SNX29: variants seen among roughly 807,000 people sequenced by gnomAD.
The protein encoded by SNX29 is sorting nexin-29.
SNX29 carries 78 observed loss-of-function variants against 102.1 expected under a neutral mutation model. The observed-to-expected ratio is 0.76, with a 90% CI of 0.64 to 0.92. SNX29 has a LOEUF of 0.92. Ranked by LOEUF, SNX29 falls within the 40% of genes least tolerant of loss-of-function variation. The pLI is 0.00. For missense variants in SNX29, 1,280 were observed against 1,061.7 expected (o/e 1.21, Z -2.86); for synonymous variants, 580 against 414.5 (o/e 1.40, Z -4.85).
chr16:12,188,169 T>C (rs997334570), intron 13 of SNX29, among the ~76,000 whole-genome samples: 1 of 152,192 alleles, frequency 6.6e-6, no homozygotes, highest in Non-Finnish European at 1.5e-5. Flanking sequence ...GACAATGAAT[T>C]ACTAACCGCT....
chr16:12,091,427 G>A (rs1424208478), intron 11 of SNX29, among the ~76,000 whole-genome samples: 1 of 152,124 alleles, frequency 6.6e-6, no homozygotes, highest in Non-Finnish European at 1.5e-5. Context: ...TTAGGAGGTG[G>A]GCGTTTGGGA....
intron 11 of SNX29, among the ~76,000 whole-genome samples, chr16:12,107,030 C>G (rs2053279936): frequency 6.6e-6 from 1 of 152,172 alleles, no homozygotes. Context: ...GTTGCCCAGG[C>G]TGGTCTTGAA....
chr16:12,025,856 A>G (rs2057176839), intron 3 of SNX29, among the ~76,000 whole-genome samples: 2 of 152,176 alleles, frequency 1.3e-5, no homozygotes, highest in South Asian at 4.1e-4. Context: ...ACTACATTGG[A>G]TCAGCTTGCG....
In SNX29 at chr16:12,142,586, C is replaced by T. The variant is rs1047822566; in HGVS notation, c.1595+12828C>T. Among the ~76,000 whole-genome samples the T allele has an allele frequency of 1.1e-4, 16 of 152,054 alleles. No homozygotes were observed. In the East Asian group the frequency reaches 1.7e-3, roughly 16 times the overall value. ...TTTGTTTGTTTGTTTGTTTTTGAGA[C>T]GGAGTTTTGTTCTTGTTGCCCAGGC... On this transcript the variant is annotated intron_variant, in intron 13 of 20. Transcript: ENST00000566228.
chr16:12,405,992 A>G (rs540025055), intron 18 of SNX29, among the ~76,000 whole-genome samples: 24 of 152,196 alleles, frequency 1.6e-4, no homozygotes, highest in Admixed American at 5.2e-4. Flanking sequence ...AGATCGCACC[A>G]TTGCACTCCA....
chr16:12,384,802 A>C (rs2083288961), intron 16 of SNX29, among the ~76,000 whole-genome samples: 2 of 152,232 alleles, frequency 1.3e-5, no homozygotes, highest in East Asian at 1.9e-4. Flanking sequence ...CATGACCCAC[A>C]GACTTCTGGG....
At chr16:12,318,101 C>T (rs1381851002) in intron 15 of SNX29, among the ~76,000 whole-genome samples, 1 of 152,234 alleles carries the variant, frequency 6.6e-6, no homozygotes, top group Non-Finnish European at 1.5e-5. Context: ...CTGAGACATC[C>T]TTGGCCCATT....
intron 19 of SNX29, among the ~76,000 whole-genome samples, chr16:12,517,232 C>A (rs959716363): frequency 6.6e-6 from 1 of 152,162 alleles, no homozygotes; most frequent in African/African-American, 2.4e-5. Flanking sequence ...CCTGTGGCTT[C>A]TCATCTGAAT....
chr16:12,256,967 T>C (rs1285052892), intron 14 of SNX29, among the ~76,000 whole-genome samples: 1 of 152,220 alleles, frequency 6.6e-6, no homozygotes, highest in African/African-American at 2.4e-5. Flanking sequence ...TGGCAACAAA[T>C]GGCTGATAAC....
intron 18 of SNX29, among the ~76,000 whole-genome samples, chr16:12,408,223 A>T (rs1204308020): frequency 6.6e-6 from 1 of 151,968 alleles, no homozygotes; most frequent in Non-Finnish European, 1.5e-5. Context: ...TCATTCCAAA[A>T]GGCAAGGCCC....
At chr16:12,265,634 G>T (rs2078904669) in intron 14 of SNX29, among the ~76,000 whole-genome samples, 1 of 150,698 alleles carries the variant, frequency 6.6e-6, no homozygotes. Flanking sequence ...GCTGAGGTGG[G>T]TGGATCAATT....
At chr16:12,513,248 T>C (rs2151925764) in intron 19 of SNX29, among the ~76,000 whole-genome samples, 1 of 147,868 alleles carries the variant, frequency 6.8e-6, no homozygotes, top group African/African-American at 2.5e-5. Context: ...TTGTTTTCTG[T>C]CCTCCTCTCC....
chr16:12,390,152 GT>G lies in SNX29; in HGVS notation c.1900-8293del, dbSNP rs1567514294. ...TACCCCGTGCGTGCAATTGAGGGGT[GT>G]GTGTGTGTGTGTGTGTGTGTGTGTG... On this transcript the variant is annotated intron_variant, in intron 16 of 20. Coordinates refer to ENST00000566228, the MANE Select transcript of SNX29 (RefSeq NM_032167.5). Among the ~76,000 whole-genome samples the G allele has an allele frequency of 3.7e-4, 46 of 125,906 alleles. 8 individuals carry two copies. In the South Asian group the frequency reaches 7.0e-3, roughly 19 times the overall value. The allele number at this position is 125,906 out of a possible 152,430, so 82.6% of individuals were successfully genotyped here.
chr16:12,546,013 AAAAC>A (rs1425453049), intron 20 of SNX29, among the ~76,000 whole-genome samples: 4 of 152,132 alleles, frequency 2.6e-5, no homozygotes, highest in Non-Finnish European at 5.9e-5. Flanking sequence ...CCAAAAACAG[AAAAC>A]AAAAAAACCC....
chr16:12,111,286 C>A (rs1488079664), intron 11 of SNX29, among the ~76,000 whole-genome samples: 2 of 152,206 alleles, frequency 1.3e-5, no homozygotes, highest in Non-Finnish European at 2.9e-5. Flanking sequence ...CAGCACCCTG[C>A]TGTGGCCTCG....
At chr16:12,179,597 T>A (rs2076337620) in intron 13 of SNX29, among the ~76,000 whole-genome samples, 1 of 152,276 alleles carries the variant, frequency 6.6e-6, no homozygotes, top group Non-Finnish European at 1.5e-5. Flanking sequence ...TCATTCCTTT[T>A]GAATCCTGGT....
intron 16 of SNX29, among the ~76,000 whole-genome samples, chr16:12,382,389 A>T (rs2083199107): frequency 6.6e-6 from 1 of 152,206 alleles, no homozygotes; most frequent in Non-Finnish European, 1.5e-5. Flanking sequence ...TCTGGAGCCC[A>T]CACTGCCTGC....
chr16:12,550,759 G>C (rs1337953278), intron 20 of SNX29, among the ~76,000 whole-genome samples: 1 of 151,440 alleles, frequency 6.6e-6, no homozygotes, highest in African/African-American at 2.4e-5. Flanking sequence ...TAAAATAGTT[G>C]AAAAAGTGTA....
At chr16:12,555,458 C>T (rs1033265578) in intron 20 of SNX29, among the ~76,000 whole-genome samples, 1 of 151,944 alleles carries the variant, frequency 6.6e-6, no homozygotes, top group Admixed American at 6.6e-5. Context: ...GGGTGTTTCC[C>T]TAGTTGACAT....
Sources: allele counts gnomAD v4.1 joint callset (sites outside exome capture counted in the v4.1 genomes callset), GRCh38; gene constraint gnomAD v4.1.1; transcripts MANE v1.5; gene names NCBI Gene and HGNC (gene_info 2026-07-23, HGNC 2026-07-21).